MALRD1: variants seen among roughly 807,000 people sequenced by gnomAD.
MALRD1 encodes MAM and LDL receptor class A domain containing 1.
MALRD1 carries 247 observed loss-of-function variants against 242.1 expected under a neutral mutation model. The observed-to-expected ratio is 1.02, with a 90% CI of 0.92 to 1.13. The LOEUF is 1.13. MALRD1 is among the 50% of genes most tolerant of loss of function. The pLI, the probability that MALRD1 is intolerant of heterozygous loss-of-function variation, is 0.00. For synonymous variants in MALRD1, 995 were observed against 866.6 expected (o/e 1.15, Z -2.60); for missense variants, 2,989 against 2,533.1 (o/e 1.18, Z -3.86).
intron 5 of MALRD1, among the ~76,000 whole-genome samples, chr10:19,111,015 A>T (rs997211153): frequency 3.3e-5 from 5 of 152,178 alleles, no homozygotes; most frequent in Non-Finnish European, 7.3e-5. Flanking sequence ...TTGGGAATTG[A>T]GATGGCCTGT....
intron 11 of MALRD1, among the ~76,000 whole-genome samples, chr10:19,153,060 A>G (rs1588620613): frequency 6.6e-6 from 1 of 152,014 alleles, no homozygotes; most frequent in African/African-American, 2.4e-5. Flanking sequence ...CTGGTTTTTC[A>G]TAGTCTTTTC....
Position 19,179,841 on chromosome 10 carries a change from C to G in MALRD1, c.1951+4513C>G, listed in dbSNP as rs1803389632. ...GTTCTATGGTCATAAAACTATAGAT[C>G]CTGCCTAGTTCTATATATTTTTCCA... On this transcript the variant is annotated intron_variant, in intron 14 of 39. Transcript: ENST00000454679. Among the ~76,000 whole-genome samples, 3 of 152,004 alleles carry G rather than the reference C, an allele frequency of 2.0e-5. No homozygotes were observed. In the South Asian group the frequency reaches 6.2e-4, roughly 32 times the overall value.
chr10:19,542,952 A>G (rs933175602), intron 32 of MALRD1, among the ~76,000 whole-genome samples: 10 of 152,198 alleles, frequency 6.6e-5, no homozygotes, highest in African/African-American at 1.9e-4. Flanking sequence ...TCAACAGTAA[A>G]TAGCCCTCTT....
At chr10:19,571,176 A>C (rs1417881769) in intron 33 of MALRD1, among the ~76,000 whole-genome samples, 1 of 152,162 alleles carries the variant, frequency 6.6e-6, no homozygotes, top group Non-Finnish European at 1.5e-5. Context: ...AAGGAACATC[A>C]GGCAGAATAA....
chr10:19,715,447 A>G (rs1467507433), intron 38 of MALRD1, among the ~76,000 whole-genome samples: 1 of 151,860 alleles, frequency 6.6e-6, no homozygotes, highest in Non-Finnish European at 1.5e-5. Flanking sequence ...GACCTTTACC[A>G]ACTGTGGGGC....
intron 38 of MALRD1, among the ~76,000 whole-genome samples, 193 bp downstream of exon 38, chr10:19,692,747 T>C (rs1475063405): frequency 2.0e-5 from 3 of 150,118 alleles, no homozygotes; most frequent in African/African-American, 7.3e-5. Context: ...TTTTTTAGTA[T>C]AAAGCCTGAA....
intron 36 of MALRD1, among the ~76,000 whole-genome samples, chr10:19,677,249 C>T (rs1842174497): frequency 6.6e-6 from 1 of 152,122 alleles, no homozygotes. Flanking sequence ...ACACTGTCTT[C>T]CATAATGGTT....
intron 21 of MALRD1, among the ~76,000 whole-genome samples, chr10:19,311,744 C>T (rs1842435207): frequency 1.3e-5 from 2 of 151,358 alleles, no homozygotes; most frequent in South Asian, 4.2e-4. Context: ...GAATTTGACT[C>T]ATTTGGATTA....
intron 33 of MALRD1, among the ~76,000 whole-genome samples, chr10:19,585,587 A>G (rs180912083): frequency 1.7e-4 from 26 of 152,198 alleles, no homozygotes; most frequent in Admixed American, 1.6e-3. Context: ...GTTTCTGCTG[A>G]GAGATCTGCT....
chr10:19,385,981 G>C, intron 26 of MALRD1, among the ~76,000 whole-genome samples: 1 of 152,022 alleles, frequency 6.6e-6, no homozygotes, highest in Non-Finnish European at 1.5e-5. Flanking sequence ...CAGAGTCCAT[G>C]GTTGAAGCTT....
At chr10:19,099,650 C>T (rs1204603361) in intron 4 of MALRD1, among the ~76,000 whole-genome samples, 5 of 152,004 alleles carry the variant, frequency 3.3e-5, no homozygotes, top group East Asian at 1.9e-4. Context: ...AATAATCTTG[C>T]TGATGTTTTG....
intron 18 of MALRD1, among the ~76,000 whole-genome samples, chr10:19,239,099 C>T (rs1222639098): frequency 1.3e-5 from 2 of 151,172 alleles, no homozygotes; most frequent in African/African-American, 4.9e-5. Flanking sequence ...TGCTCTGTTG[C>T]CCAAGCTGGA....
At position 19,210,381 on chromosome 10, in the gene MALRD1, G is replaced by A. The variant is rs558559936; in HGVS notation, c.2991+701G>A. Among the ~76,000 whole-genome samples, 5 of 152,212 alleles carry A rather than the reference G, an allele frequency of 3.3e-5. No homozygotes were observed. The East Asian group carries it at 9.7e-4, about 29-fold the overall frequency. ...TTGGAGTGCTGACTGTTTATCCCTGGCCAAACAGCTTATGGGCAGCAGAAC... is the reference window on the plus strand; with the variant it reads ...TTGGAGTGCTGACTGTTTATCCCTGACCAAACAGCTTATGGGCAGCAGAAC... On this transcript the variant is annotated intron_variant, in intron 18 of 39. Transcript: ENST00000454679.
intron 18 of MALRD1, among the ~76,000 whole-genome samples, chr10:19,230,910 G>C (rs1451651267): frequency 1.3e-5 from 2 of 152,022 alleles, no homozygotes; most frequent in African/African-American, 2.4e-5. Flanking sequence ...AGATTATGTA[G>C]TTTTGATTAA....
chr10:19,341,703 C>T (rs1034549966), intron 24 of MALRD1, among the ~76,000 whole-genome samples: 1 of 151,668 alleles, frequency 6.6e-6, no homozygotes, highest in Non-Finnish European at 1.5e-5. Flanking sequence ...TAGAAATTCT[C>T]ATTGAGAAAT....
At chr10:19,402,412 A>G (rs1012123427) in intron 28 of MALRD1, among the ~76,000 whole-genome samples, 20 of 152,122 alleles carry the variant, frequency 1.3e-4, no homozygotes, top group African/African-American at 4.8e-4. Flanking sequence ...CTTGGTAGTG[A>G]GTAACTCTCA....
chr10:19,221,148 G>A (rs1027077422), intron 18 of MALRD1, among the ~76,000 whole-genome samples: 1 of 152,024 alleles, frequency 6.6e-6, no homozygotes, highest in African/African-American at 2.4e-5. Context: ...AATCTAATTT[G>A]TTTTTTCATT....
intron 36 of MALRD1, among the ~76,000 whole-genome samples, chr10:19,663,925 CCA>C (rs1841559455): frequency 6.6e-6 from 1 of 151,998 alleles, no homozygotes; most frequent in Non-Finnish European, 1.5e-5. Context: ...CTTTTATTGG[CCA>C]CACCCATACA....
At position 19,209,568 on chromosome 10, in the gene MALRD1, A is replaced by C; in HGVS notation, c.2879A>C (p.Tyr960Ser). 6.4e-7 allele frequency: 1 copy of C among 1,550,858 alleles called. No individual in the cohort carries two copies. The highest frequency in any genetic ancestry group is 8.7e-7 in the Non-Finnish European group (1 of 1,147,034). The change falls in exon 18 of 40, where the codon TAC (tyrosine) becomes TCC (serine). Residue 960 changes from tyrosine to serine, a missense_variant. Physicochemically the swap from Tyr to Ser is moderately radical, Grantham distance 144. Transcript: ENST00000454679. The part of the protein sequence containing the change: ...FGKRIYRLAI[Y>S]QRIWSDSRGQ... The stretch of plus-strand genomic sequence containing the variant: ...AAGCGCATTTATAGGTTGGCAATCT[A>C]CCAACGAATCTGGAGTGACTCAAGG...
Sources: gnomAD v4.1 joint callset for allele counts (sites outside exome capture counted in the v4.1 genomes callset) on GRCh38, gnomAD v4.1.1 for gene constraint, MANE v1.5 for transcripts, NCBI Gene and HGNC (gene_info 2026-07-23, HGNC 2026-07-21) for gene names.